Variants in DHDH observed in about 807,000 individuals in gnomAD.
DHDH encodes trans-1,2-dihydrobenzene-1,2-diol dehydrogenase.
In DHDH, 29 loss-of-function variants were observed where a neutral mutation model predicts 33.2. The ratio of observed to expected loss-of-function variants is 0.87; its 90% confidence interval spans 0.65 to 1.19. The LOEUF is 1.19. Ranked by LOEUF, DHDH falls within the 50% of genes most tolerant of loss-of-function variation. DHDH has a pLI of 0.00. For missense variants in DHDH, 431 were observed against 455.0 expected (o/e 0.95, Z 0.48); for synonymous variants, 201 against 187.9 (o/e 1.07, Z -0.57).
Position 48,936,021 on chromosome 19 carries a change from TCCCAC to T in DHDH, c.203-8_203-4del. On this transcript the variant is annotated splice_polypyrimidine_tract_variant and splice_region_variant and intron_variant, in intron 2 of 6. Transcript: ENST00000221403. ...CGGGGCTGCTGACCTCTTGACCTAC[TCCCAC>T]CCTAGAGGTGGCCTACATTGGCACC... 6.3e-7 allele frequency: 1 copy of T among 1,589,642 alleles called. No individual in the cohort carries two copies. The highest frequency in any genetic ancestry group is 1.1e-5 in the South Asian group (1 of 87,480).
chr19:48,933,902 T>A, intron 1 of DHDH, 91 bp downstream of exon 1: 1 of 1,194,818 alleles, frequency 8.4e-7, no homozygotes, highest in Non-Finnish European at 1.2e-6. Flanking sequence ...TCAGGACTAG[T>A]GAGTGGGTCG....
At chr19:48,938,595 G>A (rs1049777587) in intron 3 of DHDH, among the ~76,000 whole-genome samples, 1 of 151,602 alleles carries the variant, frequency 6.6e-6, no homozygotes, top group Non-Finnish European at 1.5e-5. Flanking sequence ...CTTCTTATAA[G>A]GACACCAGTC....
intron 2 of DHDH, among the ~76,000 whole-genome samples, chr19:48,935,785 C>A (rs908319937): frequency 2.0e-5 from 3 of 151,934 alleles, no homozygotes; most frequent in Non-Finnish European, 2.9e-5. Context: ...CCACTGCACT[C>A]CAGCCTGGGC....
chr19:48,936,385 T>C (rs569315654), intron 3 of DHDH, among the ~76,000 whole-genome samples, 190 bp downstream of exon 3: 10 of 152,138 alleles, frequency 6.6e-5, no homozygotes, highest in Non-Finnish European at 1.0e-4. Context: ...ATTGCTTGGA[T>C]CTTTTGTCAG....
chr19:48,939,234 G>A (rs1181695272), intron 3 of DHDH, among the ~76,000 whole-genome samples: 1 of 151,622 alleles, frequency 6.6e-6, no homozygotes. Flanking sequence ...GAGCCCAGGA[G>A]TTCGAGACCA....
intron 4 of DHDH, among the ~76,000 whole-genome samples, chr19:48,940,332 G>A (rs1260302824): frequency 1.3e-5 from 2 of 151,330 alleles, no homozygotes; most frequent in African/African-American, 2.4e-5. Flanking sequence ...TCTAGCCTGG[G>A]CGACAGAGTG....
intron 4 of DHDH, among the ~76,000 whole-genome samples, chr19:48,940,929 G>A (rs539151111): frequency 3.3e-5 from 5 of 150,498 alleles, no homozygotes; most frequent in East Asian, 1.9e-4. Context: ...CTATCCTCCC[G>A]CCTCTGCCTC....
Position 48,944,683 on chromosome 19 carries a change from A to G in DHDH, c.896-141A>G, listed in dbSNP as rs558629487. The G allele has an allele frequency of 4.7e-5, 56 of 1,194,848 alleles. No homozygotes were observed. In the Admixed American group the frequency reaches 1.3e-3, roughly 28 times the overall value. 74.0% of individuals were successfully genotyped at this position (1,194,848 alleles called of 1,614,324 possible). A position where few individuals can be genotyped will look rare whatever the true frequency, so the allele number is the denominator to read the frequency against. ...GGAACAAGACTCTCACTCCAAAAAA[A>G]GAACTATATCTCTCAGGAACCCCTG... On this transcript the variant is annotated intron_variant, in intron 6 of 6. Transcript: ENST00000221403.
chr19:48,941,607 T>G (rs546696031), intron 4 of DHDH, among the ~76,000 whole-genome samples: 8 of 151,710 alleles, frequency 5.3e-5, no homozygotes, highest in Non-Finnish European at 1.0e-4. Flanking sequence ...GGTCTCGACC[T>G]CCTGGGCTCA....
In DHDH at chr19:48,939,636, C is replaced by T. The variant is rs2122266298; in HGVS notation, c.554C>T (p.Thr185Ile). The T allele has an allele frequency of 5.0e-6, 8 of 1,613,418 alleles. No individual in the cohort carries two copies. Among genetic ancestry groups the T allele is most frequent in the South Asian group, 1.1e-5 (1 of 91,080 alleles). Residue 185 changes from threonine (T) to isoleucine (I), a missense_variant, in exon 4 of 7, where the codon ACC becomes ATC. Thr to Ile is a moderately conservative substitution (Grantham distance 89). Transcript: ENST00000221403. ...LDIGIYCVQF[T>I]SMVFGGQKPE... is the part of the protein sequence containing the mutation. ...ATCGGCATCTACTGTGTCCAGTTCACCTCCATGGTCTTTGGAGGGCAGAAG... is the reference window on the plus strand; with the variant it reads ...ATCGGCATCTACTGTGTCCAGTTCATCTCCATGGTCTTTGGAGGGCAGAAG...
At chr19:48,942,988 G>A (rs1030818615) in intron 5 of DHDH, among the ~76,000 whole-genome samples, 3 of 151,242 alleles carry the variant, frequency 2.0e-5, no homozygotes, top group Non-Finnish European at 4.4e-5. Context: ...CCGGAAGATG[G>A]AGGTTGCAGT....
At chr19:48,934,635 C>T (rs1352593836) in intron 1 of DHDH, among the ~76,000 whole-genome samples, 4 of 152,174 alleles carry the variant, frequency 2.6e-5, no homozygotes, top group Non-Finnish European at 4.4e-5. Flanking sequence ...AAACATAAAT[C>T]TAGCCTACGT....
chr19:48,937,782 A>G (rs1004441055), intron 3 of DHDH, among the ~76,000 whole-genome samples: 6 of 149,734 alleles, frequency 4.0e-5, no homozygotes, highest in African/African-American at 1.5e-4. Context: ...ACTGCACTCC[A>G]GCCTGGACGA....
At position 48,940,976 on chromosome 19, in the gene DHDH, C is replaced by G. The variant is rs936640682; in HGVS notation, c.619+1275C>G. 4.1e-5 allele frequency among the ~76,000 whole-genome samples: 6 copies of G among 148,086 alleles called. No homozygotes were observed. In the East Asian group the frequency reaches 1.2e-3, roughly 29 times the overall value. ...GGATTACAGGTGTGGCCACCGCCCC[C>G]GGCAAGCCAGACCCTGTCTCAAAAA... On this transcript the variant is annotated intron_variant, in intron 4 of 6. Coordinates refer to ENST00000221403, the MANE Select transcript of DHDH (RefSeq NM_014475.4).
At chr19:48,940,287 G>A (rs963755514) in intron 4 of DHDH, among the ~76,000 whole-genome samples, 1 of 151,732 alleles carries the variant, frequency 6.6e-6, no homozygotes, top group Non-Finnish European at 1.5e-5. Context: ...CCCAGGGGGC[G>A]GAGGTTGCAG....
intron 1 of DHDH, 73 bp downstream of exon 1, chr19:48,933,884 T>A (rs1178599126): frequency 1.4e-6 from 2 of 1,454,992 alleles, no homozygotes; most frequent in Admixed American, 3.7e-5. Flanking sequence ...GAGGAGGGAG[T>A]TTAGGGTTCA....
rs980943242 is a variant in DHDH at position 48,939,580 on chromosome 19, C to T, written c.498C>T (p.Asp166=). ...TCATCCACGTTCCCCGGGCCGTAGA[C>T]CGGGCCCAGGCTGGGGGGGCCCTGC... ...KNLIHVPRAV[D]RAQAGGALLD... Residue 166 remains aspartate, a synonymous_variant, in exon 4 of 7, where the codon GAC becomes GAT. Transcript: ENST00000221403. 2.5e-6 allele frequency: 4 copies of T among 1,608,972 alleles called. No homozygotes were observed. Among genetic ancestry groups the T allele is most frequent in the Non-Finnish European group, 3.4e-6 (4 of 1,178,700 alleles).
At chr19:48,938,221 C>T (rs984419410) in intron 3 of DHDH, among the ~76,000 whole-genome samples, 11 of 151,984 alleles carry the variant, frequency 7.2e-5, no homozygotes, top group Admixed American at 3.3e-4. Flanking sequence ...CTCAGCCTCC[C>T]GAGTAGCTGA....
intron 4 of DHDH, among the ~76,000 whole-genome samples, 158 bp downstream of exon 4, chr19:48,939,859 G>T (rs1169249377): frequency 1.3e-5 from 2 of 152,120 alleles, no homozygotes; most frequent in Non-Finnish European, 2.9e-5. Flanking sequence ...CAAGACTGCA[G>T]GTGGGCACTC....
Sources: allele counts gnomAD v4.1 joint callset (sites outside exome capture counted in the v4.1 genomes callset), GRCh38; gene constraint gnomAD v4.1.1; transcripts MANE v1.5; gene names NCBI Gene and HGNC (gene_info 2026-07-23, HGNC 2026-07-21).